ACYP2: variants seen among roughly 807,000 people sequenced by gnomAD.
The protein encoded by ACYP2 is acylphosphatase 2, also known as acylphosphatase-2.
In ACYP2, 12 loss-of-function variants were observed where a neutral mutation model predicts 11.2. The ratio of observed to expected loss-of-function variants is 1.08; its 90% CI spans 0.69 to 1.74. ACYP2 has a LOEUF of 1.74. Ranked by LOEUF, ACYP2 falls within the 40% of genes most tolerant of loss-of-function variation. The pLI, the probability that ACYP2 is intolerant of heterozygous loss-of-function variation, is 0.00. For synonymous variants in ACYP2, 43 were observed against 32.2 expected, an observed-to-expected ratio of 1.33 and a Z score of -1.13; for missense variants, 134 against 101.9, an observed-to-expected ratio of 1.31 and a Z score of -1.35.
chr2:54,094,313 C>T (rs1461941451), intron 4 of ACYP2, among the ~76,000 whole-genome samples: 4 of 147,800 alleles, frequency 2.7e-5, no homozygotes, highest in South Asian at 2.2e-4. Context: ...CTGCAAACTT[C>T]GCCTCCCAGG....
chr2:54,230,007 G>A (rs759771888), intron 6 of ACYP2, among the ~76,000 whole-genome samples: 12 of 152,116 alleles, frequency 7.9e-5, no homozygotes, highest in Non-Finnish European at 1.8e-4. Flanking sequence ...CTCATGAGAT[G>A]GGTTTTATTT....
At chr2:54,225,191 A>G (rs1239238797) in intron 6 of ACYP2, among the ~76,000 whole-genome samples, 1 of 152,146 alleles carries the variant, frequency 6.6e-6, no homozygotes, top group Non-Finnish European at 1.5e-5. Context: ...GCCCTCAAGA[A>G]ATTCTCTATC....
intron 4 of ACYP2, among the ~76,000 whole-genome samples, chr2:54,069,478 CG>C (rs1228351992): frequency 2.6e-5 from 4 of 151,898 alleles, no homozygotes; most frequent in Admixed American, 2.6e-4. Flanking sequence ...TTTGCTAACA[CG>C]GTGAAACCCT....
chr2:54,031,471 C>T (rs1210194243), intron 2 of ACYP2, among the ~76,000 whole-genome samples: 1 of 152,122 alleles, frequency 6.6e-6, no homozygotes, highest in Non-Finnish European at 1.5e-5. Context: ...TTTTTTATGG[C>T]TGCATAGTAT....
chr2:54,011,787 C>T (rs1486472782), intron 2 of ACYP2, among the ~76,000 whole-genome samples: 1 of 151,378 alleles, frequency 6.6e-6, no homozygotes, highest in Non-Finnish European at 1.5e-5. Flanking sequence ...GCATTTTCTT[C>T]TTGAGTAGCT....
intron 2 of ACYP2, among the ~76,000 whole-genome samples, chr2:54,036,385 C>T (rs1674903595): frequency 6.6e-6 from 1 of 152,224 alleles, no homozygotes; most frequent in South Asian, 2.1e-4. Context: ...TGAGCCACCG[C>T]ACCCAGCCCA....
At chr2:54,068,793 A>G (rs75340524) in intron 4 of ACYP2, among the ~76,000 whole-genome samples, 17,232 of 152,122 alleles carry the variant, frequency 0.11, 1,066 homozygotes, top group East Asian at 0.3. Context: ...AGGAGGCTGC[A>G]TTCTTCTCAA....
chr2:54,257,180 C>A (rs1302870796), intron 6 of ACYP2, among the ~76,000 whole-genome samples: 1 of 151,980 alleles, frequency 6.6e-6, no homozygotes, highest in Non-Finnish European at 1.5e-5. Flanking sequence ...TGGAGACCAG[C>A]CTGGGCAACA....
intron 2 of ACYP2, among the ~76,000 whole-genome samples, chr2:54,018,695 G>A (rs1573532613): frequency 1.3e-5 from 2 of 152,190 alleles, no homozygotes; most frequent in Admixed American, 1.3e-4. Flanking sequence ...ACTTCTTATG[G>A]CTTTTGCTCT....
At chr2:54,284,300 G>A (rs896132303) in intron 6 of ACYP2, among the ~76,000 whole-genome samples, 1 of 152,156 alleles carries the variant, frequency 6.6e-6, no homozygotes, top group Admixed American at 6.5e-5. Flanking sequence ...CATGGAGCCT[G>A]GACAAAGCTT....
At chr2:54,127,801 A>G (rs1289711535) in intron 4 of ACYP2, among the ~76,000 whole-genome samples, 1 of 151,646 alleles carries the variant, frequency 6.6e-6, no homozygotes, top group African/African-American at 2.4e-5. Context: ...CTGGAAGGAA[A>G]GCCAATGCAG....
chr2:54,042,994 C>T (rs751590226), intron 2 of ACYP2, among the ~76,000 whole-genome samples: 1 of 152,132 alleles, frequency 6.6e-6, no homozygotes, highest in African/African-American at 2.4e-5. Context: ...TCAGTCCATG[C>T]GTAGCATGGC....
intron 6 of ACYP2, among the ~76,000 whole-genome samples, chr2:54,203,937 GCACAAATT>G (rs900424688): frequency 2.0e-5 from 3 of 152,090 alleles, no homozygotes; most frequent in East Asian, 3.8e-4. Flanking sequence ...ATGCAGTCCA[GCACAAATT>G]CACAAATTCA....
chr2:54,022,266 G>A (rs1347184742), intron 2 of ACYP2, among the ~76,000 whole-genome samples: 1 of 151,956 alleles, frequency 6.6e-6, no homozygotes, highest in Non-Finnish European at 1.5e-5. Context: ...ACCCCTGACA[G>A]GGTTCAGGAT....
At chr2:53,985,651 G>T (rs773656651) in intron 2 of ACYP2, among the ~76,000 whole-genome samples, 3 of 152,144 alleles carry the variant, frequency 2.0e-5, no homozygotes, top group African/African-American at 7.2e-5. Context: ...CACTGCTTTA[G>T]TTGGGATATT....
chr2:54,092,870 A>G (rs1269576339), intron 4 of ACYP2, among the ~76,000 whole-genome samples: 1 of 152,204 alleles, frequency 6.6e-6, no homozygotes, highest in Non-Finnish European at 1.5e-5. Context: ...GCTGCTTGAC[A>G]ACCTACCTTG....
intron 6 of ACYP2, among the ~76,000 whole-genome samples, chr2:54,140,799 G>T (rs1681561468): frequency 1.3e-5 from 2 of 152,066 alleles, no homozygotes; most frequent in South Asian, 4.1e-4. Context: ...TAAGAGCAAT[G>T]CTGCAATAAA....
At position 54,126,142 on chromosome 2, in the gene ACYP2, C is replaced by T. The variant is rs79234122; in HGVS notation, c.278-9311C>T. Among the ~76,000 whole-genome samples, 435 of 151,986 alleles carry T rather than the reference C, an allele frequency of 2.9e-3. 13 individuals are homozygous for T. In the East Asian group the frequency reaches 0.074, roughly 26 times the overall value. On this transcript the variant is annotated intron_variant, in intron 4 of 6. Coordinates refer to ENST00000607452, the MANE Select transcript of ACYP2 (RefSeq NM_001320586.2). ...ATTTGAGAAACATTTAAAAACACAA[C>T]GGAAACTTCATAGGCCAGTTTGCAG...
chr2:54,257,700 A>C (rs1032809460), intron 6 of ACYP2, among the ~76,000 whole-genome samples: 4 of 152,212 alleles, frequency 2.6e-5, no homozygotes, highest in Non-Finnish European at 5.9e-5. Context: ...TTTGGAGAGA[A>C]AATTATAGTC....
Sources: gnomAD v4.1 joint callset for allele counts (sites outside exome capture counted in the v4.1 genomes callset) on GRCh38, gnomAD v4.1.1 for gene constraint, MANE v1.5 for transcripts, NCBI Gene and HGNC (gene_info 2026-07-23, HGNC 2026-07-21) for gene names.